The following SEMG1 variants were observed in gnomAD, a reference collection of about 807,000 sequenced individuals.
SEMG1 encodes the protein semenogelin 1.
A neutral mutation model predicts 8.8 loss-of-function variants in SEMG1; 6 were observed. That is an observed-to-expected ratio of 0.68 (90% CI 0.37 to 1.35). The LOEUF is 1.35. Ranked by LOEUF, SEMG1 falls within the 40% of genes most tolerant of loss-of-function variation. The probability of loss-of-function intolerance (pLI) is 0.02; values close to 1 mark genes in which losing one functional copy is unlikely to be tolerated. For synonymous variants in SEMG1, 221 were observed against 190.3 expected, an observed-to-expected ratio of 1.16 and a Z score of -1.33; for missense variants, 580 against 533.6, an observed-to-expected ratio of 1.09 and a Z score of -0.86.
chr20:45,208,843 T>C, intron 2 of SEMG1, 113 bp downstream of exon 2: 1 of 572,500 alleles, frequency 1.7e-6, no homozygotes, highest in African/African-American at 1.9e-5. Flanking sequence ...ATAGAAGTGC[T>C]GTATAACAAG....
Position 45,207,507 on chromosome 20 carries a change from T to C in SEMG1, c.210T>C (p.His70=), listed in dbSNP as rs752020197. 8.1e-6 allele frequency: 13 copies of C among 1,613,906 alleles called. No homozygotes were observed. The Middle Eastern group carries it at 6.6e-4, about 82-fold the overall frequency. The change falls in exon 2 of 3, where the codon CAT becomes CAC. Residue 70 remains histidine (H), a synonymous_variant. Transcript: ENST00000372781. ...KGSFSIQYTY[H]VDANDHDQSR... is the part of the protein sequence containing the mutation. ...GTTTTTCTATTCAATACACATATCATGTAGATGCCAATGATCATGACCAGT... is the reference window on the plus strand; with the variant it reads ...GTTTTTCTATTCAATACACATATCACGTAGATGCCAATGATCATGACCAGT...
rs1568836099 is a variant in SEMG1 at position 45,208,626 on chromosome 20, T to C, written c.1329T>C (p.Asp443=). The change falls in exon 2 of 3, where the codon GAT becomes GAC. Residue 443 remains aspartate (D), a synonymous_variant. Coordinates refer to ENST00000372781, the MANE Select transcript of SEMG1 (RefSeq NM_003007.5). ...GLDIVIIEQE[D]DSDRHLAQHL... is the part of the protein sequence containing the mutation. ...ATATTGTAATTATAGAGCAGGAAGA[T>C]GACAGTGATCGTCATTTGGCACAAC... The C allele has an allele frequency of 1.9e-6, 3 of 1,613,074 alleles. No individual in the cohort carries two copies. The highest frequency in any genetic ancestry group is 2.5e-6 in the Non-Finnish European group (3 of 1,179,682).
intron 1 of SEMG1, 21 bp from the exon 2 acceptor site, chr20:45,207,353 C>T: frequency 6.4e-7 from 1 of 1,572,228 alleles, no homozygotes; most frequent in Non-Finnish European, 8.7e-7. Flanking sequence ...GAATGCATAC[C>T]TTCTTATTAT....
In SEMG1 at chr20:45,208,226, C is replaced by T; in HGVS notation, c.929C>T (p.Ser310Phe). The change falls in exon 2 of 3, where the codon TCC (serine) becomes TTC (phenylalanine). Residue 310 changes from serine (S) to phenylalanine (F), a missense_variant. Physicochemically the swap from Ser to Phe is radical, Grantham distance 155. Coordinates refer to ENST00000372781, the MANE Select transcript of SEMG1 (RefSeq NM_003007.5). The stretch of plus-strand genomic sequence containing the variant: ...GAAAATGGTGTGCAGAAAGATGTAT[C>T]CCAAAGCAGTATTTATAGCCAAACT... ...YGENGVQKDV[S>F]QSSIYSQTEE... 6.2e-7 allele frequency: 1 copy of T among 1,612,546 alleles called. No individual in the cohort carries two copies. The highest frequency in any genetic ancestry group is 8.5e-7 in the Non-Finnish European group (1 of 1,179,212).
rs771345466 is a variant in SEMG1, at chr20:45,208,373, A to G, written c.1076A>G (p.His359Arg). The change falls in exon 2 of 3, where the codon CAC becomes CGC. Residue 359 changes from histidine (H) to arginine (R), a missense_variant. His to Arg is a conservative substitution (Grantham distance 29). Coordinates refer to ENST00000372781, the MANE Select transcript of SEMG1 (RefSeq NM_003007.5). Reference sequence around the variant, plus strand: ...TCAAGTACGGAAGAAAGACGACTCCACTATGGAGAAAATGGTGTGCAGAAA... The same window carrying G: ...TCAAGTACGGAAGAAAGACGACTCCGCTATGGAGAAAATGGTGTGCAGAAA... ...QSSSTEERRL[H>R]YGENGVQKDV... is the part of the protein sequence containing the mutation. 1.1e-5 allele frequency: 17 copies of G among 1,613,342 alleles called. No homozygotes were observed. In the East Asian group the frequency reaches 3.3e-4, roughly 32 times the overall value.
At position 45,207,444 on chromosome 20, in the gene SEMG1, T is replaced by C; in HGVS notation, c.147T>C (p.Ser49=). ...ACGGACAAAAGGGCCAGCACTATTCTGGACAAAAAGGCAAGCAACAAACTG... is the reference window on the plus strand; with the variant it reads ...ACGGACAAAAGGGCCAGCACTATTCCGGACAAAAAGGCAAGCAACAAACTG... ...FPHGQKGQHY[S]GQKGKQQTES... is the part of the protein sequence containing the mutation. The change falls in exon 2 of 3, where the codon TCT becomes TCC. Residue 49 remains serine, a synonymous_variant. Transcript: ENST00000372781. 1 of 1,613,904 alleles carries C rather than the reference T, an allele frequency of 6.2e-7. No homozygotes were observed. The highest frequency in any genetic ancestry group is 2.2e-5 in the East Asian group (1 of 44,872).
Position 45,208,707 on chromosome 20 carries a change from G to A in SEMG1, c.*21G>A. The A allele has an allele frequency of 1.3e-6, 2 of 1,524,258 alleles. No homozygotes were observed. The highest frequency in any genetic ancestry group is 1.8e-6 in the Non-Finnish European group (2 of 1,115,704). The allele number at this position is 1,524,258 out of a possible 1,614,324, so 94.4% of individuals were successfully genotyped here. ...CATAAACCTACCATTCGGTAACCAT[G>A]TGAAAGGATGGACCAATATCAAGGT... On this transcript the variant is annotated 3_prime_UTR_variant, in exon 2 of 3. Coordinates refer to ENST00000372781, the MANE Select transcript of SEMG1 (RefSeq NM_003007.5).
Position 45,208,446 on chromosome 20 carries a change from A to C in SEMG1, c.1149A>C (p.Ala383=), listed in dbSNP as rs137983116. The change falls in exon 2 of 3, where the codon GCA becomes GCC. Residue 383 remains alanine (A), a synonymous_variant. Coordinates refer to ENST00000372781, the MANE Select transcript of SEMG1 (RefSeq NM_003007.5). ...ATAGCCAAACTGAAAAGCTAGTAGC[A>C]GGCAAGTCTCAAATCCAGGCACCAA... ...SIYSQTEKLV[A]GKSQIQAPNP... 2 of 1,614,004 alleles carry C rather than the reference A, an allele frequency of 1.2e-6. No homozygotes were observed. Among genetic ancestry groups the C allele is most frequent in the East Asian group, 4.5e-5 (2 of 44,884 alleles).
chr20:45,207,286 A>G (rs1983712083), intron 1 of SEMG1, 88 bp from the exon 2 acceptor site: 1 of 1,454,084 alleles, frequency 6.9e-7, no homozygotes, highest in Non-Finnish European at 9.4e-7. Flanking sequence ...AGAAATATCA[A>G]TAATTTGTTG....
Position 45,207,528 on chromosome 20 carries a change from C to T in SEMG1, c.231C>T (p.Asp77=), listed in dbSNP as rs778610843. Residue 77 remains aspartate, a synonymous_variant, in exon 2 of 3, where the codon GAC becomes GAT. Transcript: ENST00000372781. ...YTYHVDANDH[D]QSRKSQQYDL... ...ATCATGTAGATGCCAATGATCATGACCAGTCCCGAAAAAGTCAGCAATATG... is the reference window on the plus strand; with the variant it reads ...ATCATGTAGATGCCAATGATCATGATCAGTCCCGAAAAAGTCAGCAATATG... 13 of 1,613,690 alleles carry T rather than the reference C, an allele frequency of 8.1e-6. No individual in the cohort carries two copies. Among genetic ancestry groups the T allele is most frequent in the Non-Finnish European group, 5.9e-6 (7 of 1,179,850 alleles).
rs369069421 is a variant in SEMG1, at chr20:45,207,738, G to A, written c.441G>A (p.Gly147=). 1.9e-6 allele frequency: 3 copies of A among 1,613,924 alleles called. No individual in the cohort carries two copies. The highest frequency in any genetic ancestry group is 2.2e-5 in the South Asian group (2 of 91,066). ...CACAAAATCCTTCTCAAGATCAGGG[G>A]AATAGCCCATCTGGAAAGGGAATAT... ...RGTQNPSQDQ[G]NSPSGKGISS... Residue 147 remains glycine, a synonymous_variant, in exon 2 of 3, where the codon GGG becomes GGA. Transcript: ENST00000372781.
rs778322247 is a variant in SEMG1, at chr20:45,207,433, C to G, written c.136C>G (p.Gln46Glu). The G allele has an allele frequency of 1.2e-6, 2 of 1,613,666 alleles. No individual in the cohort carries two copies. Among genetic ancestry groups the G allele is most frequent in the South Asian group, 1.1e-5 (1 of 91,014 alleles). Residue 46 changes from glutamine to glutamate, a missense_variant, in exon 2 of 3, where the codon CAG (glutamine) becomes GAG (glutamate). Transcript: ENST00000372781. ...FSQFPHGQKG[Q>E]HYSGQKGKQQ... ...CCAATTTCCACACGGACAAAAGGGC[C>G]AGCACTATTCTGGACAAAAAGGCAA...
In SEMG1 at chr20:45,208,722, A is replaced by G. The variant is rs770001838; in HGVS notation, c.*36A>G. On this transcript the variant is annotated 3_prime_UTR_variant, in exon 2 of 3. Coordinates refer to ENST00000372781, the MANE Select transcript of SEMG1 (RefSeq NM_003007.5). ...CGGTAACCATGTGAAAGGATGGACCAATATCAAGGTAATTTTTTTTTAGCA... is the reference window on the plus strand; with the variant it reads ...CGGTAACCATGTGAAAGGATGGACCGATATCAAGGTAATTTTTTTTTAGCA... The G allele has an allele frequency of 2.8e-6, 4 of 1,436,034 alleles. No homozygotes were observed. The highest frequency in any genetic ancestry group is 1.8e-4 in the Middle Eastern group (1 of 5,526). The allele number at this position is 1,436,034 out of a possible 1,614,324, so 89.0% of individuals were successfully genotyped here. A position where few individuals can be genotyped will look rare whatever the true frequency, so the allele number is the denominator to read the frequency against.
Position 45,207,507 on chromosome 20 carries a change from T to G in SEMG1, c.210T>G (p.His70Gln). 2.5e-6 allele frequency: 4 copies of G among 1,613,906 alleles called. No individual in the cohort carries two copies. Among genetic ancestry groups the G allele is most frequent in the Non-Finnish European group, 3.4e-6 (4 of 1,179,848 alleles). ...KGSFSIQYTY[H>Q]VDANDHDQSR... ...GTTTTTCTATTCAATACACATATCA[T>G]GTAGATGCCAATGATCATGACCAGT... The change falls in exon 2 of 3, where the codon CAT (histidine) becomes CAG (glutamine). Residue 70 changes from histidine to glutamine, a missense_variant. Coordinates refer to ENST00000372781, the MANE Select transcript of SEMG1 (RefSeq NM_003007.5).
chr20:45,208,092 G>A lies in SEMG1; in HGVS notation c.795G>A (p.Lys265=). The change falls in exon 2 of 3, where the codon AAG becomes AAA. Residue 265 remains lysine, a synonymous_variant. Coordinates refer to ENST00000372781, the MANE Select transcript of SEMG1 (RefSeq NM_003007.5). ...STQDELLVYN[K]NQHQTKNLNQ... ...AAGATGAGCTCCTAGTATATAACAA[G>A]AATCAACACCAGACAAAAAATCTCA... 3 of 1,613,830 alleles carry A rather than the reference G, an allele frequency of 1.9e-6. No homozygotes were observed. Among genetic ancestry groups the A allele is most frequent in the Non-Finnish European group, 1.7e-6 (2 of 1,179,928 alleles).
chr20:45,208,283 A>G lies in SEMG1; in HGVS notation c.986A>G (p.Gln329Arg). The G allele has an allele frequency of 3.1e-6, 5 of 1,611,090 alleles. No homozygotes were observed. Among genetic ancestry groups the G allele is most frequent in the Non-Finnish European group, 4.2e-6 (5 of 1,178,602 alleles). The change falls in exon 2 of 3, where the codon CAG (glutamine) becomes CGG (arginine). Residue 329 changes from glutamine to arginine, a missense_variant. Physicochemically the swap from Gln to Arg is conservative, Grantham distance 43. Transcript: ENST00000372781. The part of the protein sequence containing the change: ...EEKAQGKSQK[Q>R]ITIPSQEQEH... ...AAAGCACAGGGCAAGTCTCAAAAAC[A>G]GATAACAATTCCCAGTCAAGAGCAA...
In SEMG1 at chr20:45,208,166, C is replaced by T. The variant is rs1983751528; in HGVS notation, c.869C>T (p.Ser290Phe). Residue 290 changes from serine (S) to phenylalanine (F), a missense_variant, in exon 2 of 3, where the codon TCT becomes TTT. Physicochemically the swap from Ser to Phe is radical, Grantham distance 155. Coordinates refer to ENST00000372781, the MANE Select transcript of SEMG1 (RefSeq NM_003007.5). ...GRKANKISYQSSSTEERRLHY... is the reference protein window; with the variant it reads ...GRKANKISYQFSSTEERRLHY... Reference sequence around the variant, plus strand: ...AAGGCAAATAAAATATCATACCAATCTTCAAGTACAGAAGAAAGACGACTC... The same window carrying T: ...AAGGCAAATAAAATATCATACCAATTTTCAAGTACAGAAGAAAGACGACTC... The T allele has an allele frequency of 1.9e-6, 3 of 1,613,978 alleles. No individual in the cohort carries two copies. The highest frequency in any genetic ancestry group is 1.3e-5 in the African/African-American group (1 of 74,918).
rs376965054 is a variant in SEMG1, at chr20:45,207,329, G to C, written c.77-45G>C. ...AGTGGGGGGTAAGAGTTGTAAGGGA[G>C]CTTTGGAGATAATGAATGCATACCT... is the stretch of plus-strand genomic sequence containing the variant. On this transcript the variant is annotated intron_variant, in intron 1 of 2. Coordinates refer to ENST00000372781, the MANE Select transcript of SEMG1 (RefSeq NM_003007.5). 1.6e-5 allele frequency: 24 copies of C among 1,504,980 alleles called. No individual in the cohort carries two copies. The African/African-American group carries it at 3.2e-4, about 20-fold the overall frequency. The allele number at this position is 1,504,980 out of a possible 1,614,324, so 93.2% of individuals were successfully genotyped here. A position where few individuals can be genotyped will look rare whatever the true frequency, so the allele number is the denominator to read the frequency against.
chr20:45,207,934 T>C lies in SEMG1; in HGVS notation c.637T>C (p.Ser213Pro). ...ANKQQRETKN[S>P]HQNKGHYQNV... ...CAAACAACAACGTGAGACTAAAAAT[T>C]CTCATCAAAATAAAGGGCATTACCA... Residue 213 changes from serine (S) to proline (P), a missense_variant, in exon 2 of 3, where the codon TCT becomes CCT. By Grantham distance (74) the Ser-to-Pro change is moderately conservative. Coordinates refer to ENST00000372781, the MANE Select transcript of SEMG1 (RefSeq NM_003007.5). The C allele has an allele frequency of 6.2e-7, 1 of 1,613,828 alleles. No homozygotes were observed.
Sources: allele counts gnomAD v4.1 joint callset, GRCh38; gene constraint gnomAD v4.1.1; transcripts MANE v1.5; gene names NCBI Gene and HGNC (gene_info 2026-07-23, HGNC 2026-07-21).